Variants in ZSWIM6 observed in about 807,000 individuals in gnomAD.
ZSWIM6 encodes zinc finger SWIM domain-containing protein 6.
A neutral mutation model predicts 113.2 loss-of-function variants in ZSWIM6; 9 were observed. The observed-to-expected ratio is 0.08, with a 90% confidence interval of 0.05 to 0.14. The LOEUF (loss-of-function observed/expected upper bound fraction) is 0.14. Among genes scored for constraint, ZSWIM6 ranks in the 10% least tolerant of loss-of-function variants. The pLI is 1.00. For synonymous variants in ZSWIM6, 611 were observed against 606.5 expected (o/e 1.01, Z -0.11); for missense variants, 1,162 against 1,552.2 (o/e 0.75, Z 4.22).
intron 1 of ZSWIM6, among the ~76,000 whole-genome samples, chr5:61,360,491 AT>A (rs1272557622): frequency 1.3e-5 from 2 of 152,216 alleles, no homozygotes; most frequent in African/African-American, 4.8e-5. Context: ...CATAGCTATT[AT>A]TTGGTAGAGT....
chr5:61,334,893 G>GT lies in ZSWIM6; in HGVS notation c.676+1958dup, dbSNP rs35540222. On this transcript the variant is annotated intron_variant, in intron 1 of 13. Transcript: ENST00000252744. The stretch of plus-strand genomic sequence containing the variant: ...TATGGCTTGGCTGGCAATGTTGAGG[G>GT]TTTTTTTTTTTTTCCCCCTCCCTCT... Among the ~76,000 whole-genome samples the GT allele has an allele frequency of 6.1e-3, 878 of 143,712 alleles. 4 individuals are homozygous for GT. The highest frequency in any genetic ancestry group is 0.01 in the African/African-American group (401 of 39,848). 94.3% of individuals were successfully genotyped at this position (143,712 alleles called of 152,430 possible). A position where few individuals can be genotyped will look rare whatever the true frequency, so the allele number is the denominator to read the frequency against.
intron 1 of ZSWIM6, among the ~76,000 whole-genome samples, chr5:61,419,782 A>T (rs1212509547): frequency 6.6e-6 from 1 of 152,194 alleles, no homozygotes; most frequent in East Asian, 1.9e-4. Flanking sequence ...GGACAATGGT[A>T]GTTTGTGGCC....
intron 1 of ZSWIM6, among the ~76,000 whole-genome samples, chr5:61,342,774 A>G (rs1744574464): frequency 6.6e-6 from 1 of 152,230 alleles, no homozygotes; most frequent in South Asian, 2.1e-4. Context: ...CTTAAAATGG[A>G]CATACTATAA....
chr5:61,394,250 T>G (rs1458714924), intron 1 of ZSWIM6, among the ~76,000 whole-genome samples: 3 of 152,238 alleles, frequency 2.0e-5, no homozygotes, highest in Admixed American at 2.0e-4. Flanking sequence ...GCCTCCTCAC[T>G]CCTTCCTTGT....
chr5:61,382,088 C>T (rs1745499677), intron 1 of ZSWIM6, among the ~76,000 whole-genome samples: 1 of 152,150 alleles, frequency 6.6e-6, no homozygotes, highest in African/African-American at 2.4e-5. Context: ...ATGAATGCAA[C>T]CAAGACTAAG....
At chr5:61,475,529 T>C (rs925431251) in intron 2 of ZSWIM6, among the ~76,000 whole-genome samples, 2 of 152,180 alleles carry the variant, frequency 1.3e-5, no homozygotes, top group Admixed American at 1.3e-4. Flanking sequence ...TCCTAATAAC[T>C]TGTGTATAGG....
intron 1 of ZSWIM6, among the ~76,000 whole-genome samples, chr5:61,462,570 T>C (rs1747342473): frequency 6.6e-6 from 1 of 152,230 alleles, no homozygotes; most frequent in Non-Finnish European, 1.5e-5. Context: ...TCCATTATTG[T>C]AGTAGAATGC....
At chr5:61,471,166 A>G (rs573080564) in intron 1 of ZSWIM6, among the ~76,000 whole-genome samples, 1 of 152,352 alleles carries the variant, frequency 6.6e-6, no homozygotes, top group African/African-American at 2.4e-5. Context: ...GAGAGAGCCC[A>G]GGGCTTCACT....
Position 61,539,644 on chromosome 5 carries a change from T to C in ZSWIM6, c.2588T>C (p.Ile863Thr). ...GTATTAGAATCCATCCAGAAAAACA[T>C]TCACTCCTCATCACACATCTTCAAG... ...ETVLESIQKN[I>T]HSSSHIFKLA... is the part of the protein sequence containing the mutation. The change falls in exon 12 of 14, where the codon ATT becomes ACT. Residue 863 changes from isoleucine (I) to threonine (T), a missense_variant. Around this residue, in one of 4 missense-constraint regions of ZSWIM6, gnomAD observed 620 missense variants for 804.6 expected, o/e 0.77. Coordinates refer to ENST00000252744, the MANE Select transcript of ZSWIM6 (RefSeq NM_020928.2). 1 of 1,552,020 alleles carries C rather than the reference T, an allele frequency of 6.4e-7. No homozygotes were observed. The highest frequency in any genetic ancestry group is 8.7e-7 in the Non-Finnish European group (1 of 1,147,052).
intron 1 of ZSWIM6, among the ~76,000 whole-genome samples, chr5:61,438,860 A>G (rs764386778): frequency 6.6e-6 from 1 of 152,146 alleles, no homozygotes; most frequent in Non-Finnish European, 1.5e-5. Context: ...TTGTGCTGAG[A>G]TGTGCTTTTT....
chr5:61,512,625 C>T (rs1228774891), intron 4 of ZSWIM6, among the ~76,000 whole-genome samples: 1 of 152,070 alleles, frequency 6.6e-6, no homozygotes, highest in Non-Finnish European at 1.5e-5. Flanking sequence ...TCCTTGCCTG[C>T]AGTTGCTGTC....
chr5:61,390,720 G>T (rs1006657729), intron 1 of ZSWIM6: 1 of 798,638 alleles, frequency 1.3e-6, no homozygotes, highest in Non-Finnish European at 2.2e-6. Flanking sequence ...TGCCATGAAT[G>T]CTGTCTTCTC....
At chr5:61,475,206 C>T (rs1186204875) in intron 2 of ZSWIM6, among the ~76,000 whole-genome samples, 1 of 152,064 alleles carries the variant, frequency 6.6e-6, no homozygotes, top group African/African-American at 2.4e-5. Flanking sequence ...CTCTCTTTTC[C>T]CTCCTTTTTT....
chr5:61,377,500 C>T (rs1245314132), intron 1 of ZSWIM6, among the ~76,000 whole-genome samples: 4 of 151,948 alleles, frequency 2.6e-5, no homozygotes, highest in African/African-American at 4.8e-5. Context: ...TGGCGGATCA[C>T]GAGGTCAGGA....
At chr5:61,498,033 G>A (rs1195591594) in intron 4 of ZSWIM6, among the ~76,000 whole-genome samples, 3 of 152,054 alleles carry the variant, frequency 2.0e-5, no homozygotes, top group Admixed American at 6.6e-5. Flanking sequence ...CTGTAACCTC[G>A]CATCTGTGTT....
chr5:61,478,705 T>TTGTGTGTGTGTGTGTGTG (rs3067226), intron 2 of ZSWIM6, among the ~76,000 whole-genome samples: 1 of 147,566 alleles, frequency 6.8e-6, no homozygotes, highest in African/African-American at 2.5e-5. Flanking sequence ...GTGTGTGTGT[T>TTGTGTGTGTGTGTGTGTG]TGTGTGTGTG....
intron 1 of ZSWIM6, among the ~76,000 whole-genome samples, chr5:61,393,220 G>C (rs1054598596): frequency 2.1e-4 from 31 of 146,652 alleles, no homozygotes; most frequent in Non-Finnish European, 3.5e-4. Context: ...TTTTTTTTTT[G>C]TATTTTTAGT....
At chr5:61,383,252 ATAAC>A (rs750082691) in intron 1 of ZSWIM6, among the ~76,000 whole-genome samples, 15 of 152,238 alleles carry the variant, frequency 9.9e-5, no homozygotes, top group Non-Finnish European at 4.4e-5. Context: ...TAGTGCTAAA[ATAAC>A]TAGGTACAGT....
chr5:61,461,501 C>T (rs559311167), intron 1 of ZSWIM6, among the ~76,000 whole-genome samples: 4 of 152,252 alleles, frequency 2.6e-5, no homozygotes, highest in East Asian at 1.9e-4. Context: ...GTTGTGTAGC[C>T]GGTCCTCTTC....
Sources: allele counts gnomAD v4.1 joint callset (sites outside exome capture counted in the v4.1 genomes callset), GRCh38; gene constraint gnomAD v4.1.1; regional missense constraint gnomAD v4.1.1; transcripts MANE v1.5; gene names NCBI Gene and HGNC (gene_info 2026-07-23, HGNC 2026-07-21).